The following BRAF variants were observed in gnomAD, a reference collection of about 807,000 sequenced individuals.
The protein encoded by BRAF is serine/threonine-protein kinase B-raf.
BRAF carries 16 observed loss-of-function variants against 104.6 expected under a neutral mutation model. That is an observed-to-expected ratio of 0.15 (90% CI 0.10 to 0.23). BRAF has a LOEUF of 0.23. BRAF is among the 10% of genes least tolerant of loss of function. The probability of loss-of-function intolerance (pLI) is 1.00; values close to 1 mark genes in which losing one functional copy is unlikely to be tolerated. For missense variants in BRAF, 541 were observed against 937.3 expected, an observed-to-expected ratio of 0.58 and a Z score of 5.52; for synonymous variants, 310 against 341.6, an observed-to-expected ratio of 0.91 and a Z score of 1.02.
chr7:140,920,627 G>A (rs994193120), intron 1 of BRAF, among the ~76,000 whole-genome samples: 32 of 152,196 alleles, frequency 2.1e-4, no homozygotes, highest in African/African-American at 7.5e-4. Flanking sequence ...TACATTCAAG[G>A]ATTCAAGCAC....
In BRAF at chr7:140,775,922, CAGTT is replaced by C. The variant is rs377489418; in HGVS notation, c.1814+986_1814+989del. On this transcript the variant is annotated intron_variant, in intron 14 of 19. Coordinates refer to ENST00000644969, the MANE Select transcript of BRAF (RefSeq NM_001374258.1). ...ATACTTACTTGCTAGGAGCAATACT[CAGTT>C]AGAGTTGTAGGTGTTAGTACATATA... is the stretch of plus-strand genomic sequence containing the variant. Among the ~76,000 whole-genome samples, 79 of 152,290 alleles carry C rather than the reference CAGTT, an allele frequency of 5.2e-4. 1 individual carries two copies. In the South Asian group the frequency reaches 1.0e-2, roughly 19 times the overall value.
At chr7:140,767,231 T>C (rs1451192979) in intron 14 of BRAF, among the ~76,000 whole-genome samples, 1 of 152,104 alleles carries the variant, frequency 6.6e-6, no homozygotes, top group Non-Finnish European at 1.5e-5. Flanking sequence ...CTTGAACTCC[T>C]GAGCTCAAGC....
chr7:140,800,320 G>T (rs552021308), intron 7 of BRAF, 42 bp downstream of exon 7: 4 of 1,613,468 alleles, frequency 2.5e-6, no homozygotes, highest in Non-Finnish European at 2.5e-6. Flanking sequence ...AAAGAAAGCG[G>T]TTCAAGTAGC....
At chr7:140,913,004 C>T (rs1817170870) in intron 1 of BRAF, among the ~76,000 whole-genome samples, 3 of 152,228 alleles carry the variant, frequency 2.0e-5, no homozygotes, top group Admixed American at 2.0e-4. Context: ...ATAGGCAAGG[C>T]ACATTCCCGA....
chr7:140,727,328 C>T (rs1185191477), intron 19 of BRAF, among the ~76,000 whole-genome samples: 6 of 151,998 alleles, frequency 3.9e-5, no homozygotes, highest in Middle Eastern at 3.4e-3. Context: ...GGATTACAGG[C>T]ATCCGCCACC....
intron 1 of BRAF, among the ~76,000 whole-genome samples, chr7:140,895,343 T>A (rs1381547222): frequency 2.0e-5 from 3 of 152,196 alleles, no homozygotes; most frequent in Non-Finnish European, 4.4e-5. Flanking sequence ...AAACTTCATA[T>A]AGGGTATCTA....
chr7:140,715,175 T>C (rs910487023), downstream of BRAF, among the ~76,000 whole-genome samples: 4 of 152,158 alleles, frequency 2.6e-5, no homozygotes, highest in African/African-American at 9.7e-5. Context: ...CCCACTTTGG[T>C]TCTCTTTGGA....
intron 19 of BRAF, among the ~76,000 whole-genome samples, chr7:140,729,402 T>C (rs189178082): frequency 3.2e-4 from 49 of 152,248 alleles, no homozygotes; most frequent in African/African-American, 9.9e-4. Flanking sequence ...CCCAGCACTT[T>C]GGGAGGCGGA....
chr7:140,758,661 C>T (rs1040210668), intron 14 of BRAF, among the ~76,000 whole-genome samples: 2 of 152,156 alleles, frequency 1.3e-5, no homozygotes, highest in African/African-American at 2.4e-5. Context: ...CACTATGTTG[C>T]CCAGGCTGGT....
intron 3 of BRAF, among the ~76,000 whole-genome samples, chr7:140,819,673 C>T (rs1039467584): frequency 2.6e-5 from 4 of 152,148 alleles, no homozygotes; most frequent in African/African-American, 9.7e-5. Flanking sequence ...GAAGGACTGA[C>T]ACAGGGTACA....
intron 17 of BRAF, among the ~76,000 whole-genome samples, chr7:140,742,126 G>A (rs147252244): frequency 6.6e-6 from 1 of 152,240 alleles, no homozygotes; most frequent in African/African-American, 2.4e-5. Flanking sequence ...CTTTAAATTA[G>A]AGTCAAGTAT....
chr7:140,904,800 G>A (rs868503472), intron 1 of BRAF, among the ~76,000 whole-genome samples: 1 of 152,018 alleles, frequency 6.6e-6, no homozygotes. Flanking sequence ...GTAGAGACGG[G>A]GTTTCACCAT....
intron 17 of BRAF, among the ~76,000 whole-genome samples, chr7:140,746,838 A>ACC (rs1797389459): frequency 1.3e-5 from 2 of 151,890 alleles, no homozygotes; most frequent in East Asian, 3.9e-4. Flanking sequence ...TTGGAAAAAA[A>ACC]AAAAAAGAAA....
chr7:140,760,713 A>C (rs904941269), intron 14 of BRAF, among the ~76,000 whole-genome samples: 1 of 151,694 alleles, frequency 6.6e-6, no homozygotes, highest in Non-Finnish European at 1.5e-5. Flanking sequence ...TGGGGCTGAA[A>C]GCCAAGGCTC....
At position 140,781,481 on chromosome 7, in the gene BRAF, G is replaced by A; in HGVS notation, c.1552+95C>T. On this transcript the variant is annotated intron_variant, in intron 12 of 19. Transcript: ENST00000644969. The stretch of plus-strand genomic sequence containing the variant: ...TCAAAATAGTTTATTGATGCGAACA[G>A]TGAATATTTCCTTTGATGATATTTT... 8.4e-7 allele frequency: 1 copy of A among 1,185,590 alleles called. No individual in the cohort carries two copies. The highest frequency in any genetic ancestry group is 1.2e-5 in the South Asian group (1 of 82,162). The allele number at this position is 1,185,590 out of a possible 1,614,324, so 73.4% of individuals were successfully genotyped here. A position where few individuals can be genotyped will look rare whatever the true frequency, so the allele number is the denominator to read the frequency against.
intron 3 of BRAF, among the ~76,000 whole-genome samples, chr7:140,812,202 G>C (rs1804352568): frequency 6.6e-6 from 1 of 151,758 alleles, no homozygotes; most frequent in African/African-American, 2.4e-5. Flanking sequence ...GTGAGGGTGG[G>C]AGGGGGAGAG....
At chr7:140,883,099 G>A (rs1316170234) in intron 1 of BRAF, among the ~76,000 whole-genome samples, 1 of 151,970 alleles carries the variant, frequency 6.6e-6, no homozygotes, top group Non-Finnish European at 1.5e-5. Context: ...TTTTCCTATG[G>A]CTTTCTGCTA....
At chr7:140,734,584 TCA>T (rs1405976935) in intron 19 of BRAF, 1 of 1,613,670 alleles carries the variant, frequency 6.2e-7, no homozygotes. Flanking sequence ...CTGAACTCTC[TCA>T]CTCATTTGTT....
intron 17 of BRAF, among the ~76,000 whole-genome samples, chr7:140,743,490 G>A (rs551436684): frequency 1.8e-4 from 27 of 152,058 alleles, no homozygotes; most frequent in Non-Finnish European, 2.8e-4. Context: ...ACCAAACACC[G>A]CATATTCTCA....
Sources: gnomAD v4.1 joint callset for allele counts (sites outside exome capture counted in the v4.1 genomes callset) on GRCh38, gnomAD v4.1.1 for gene constraint, MANE v1.5 for transcripts, NCBI Gene and HGNC (gene_info 2026-07-23, HGNC 2026-07-21) for gene names.